HACD3: variants seen among roughly 807,000 people sequenced by gnomAD.
HACD3 encodes 3-hydroxyacyl-CoA dehydratase 3.
A neutral mutation model predicts 55.2 loss-of-function variants in HACD3; 30 were observed. The observed-to-expected ratio is 0.54, with a 90% confidence interval of 0.41 to 0.74. HACD3 has a LOEUF of 0.74. Among genes scored for constraint, HACD3 ranks in the 30% least tolerant of loss-of-function variants. The probability of loss-of-function intolerance (pLI) is 0.00; values close to 1 mark genes in which losing one functional copy is unlikely to be tolerated. For synonymous variants in HACD3, 141 were observed against 151.7 expected (o/e 0.93, Z 0.52); for missense variants, 363 against 440.1 (o/e 0.82, Z 1.57).
At chr15:65,563,892 C>G (rs2072266396) in intron 6 of HACD3, among the ~76,000 whole-genome samples, 1 of 152,052 alleles carries the variant, frequency 6.6e-6, no homozygotes, top group Admixed American at 6.5e-5. Flanking sequence ...ATCACTTGAA[C>G]CCAGGAGGCG....
chr15:65,551,615 T>TTTAA (rs2072133773), intron 1 of HACD3, 61 bp from the exon 2 acceptor site: 1 of 1,592,670 alleles, frequency 6.3e-7, no homozygotes, highest in Non-Finnish European at 8.6e-7. Flanking sequence ...AAGCCCCTTG[T>TTTAA]TTAATCTCAT....
At chr15:65,550,140 C>T (rs576472789) in intron 1 of HACD3, among the ~76,000 whole-genome samples, 1 of 152,328 alleles carries the variant, frequency 6.6e-6, no homozygotes, top group South Asian at 2.1e-4. Flanking sequence ...GTAATCCCAG[C>T]ACTTTGGGAG....
At chr15:65,532,801 T>A (rs1215931982) in intron 1 of HACD3, among the ~76,000 whole-genome samples, 2 of 151,962 alleles carry the variant, frequency 1.3e-5, no homozygotes, top group Admixed American at 1.3e-4. Flanking sequence ...CATAAAAGAG[T>A]GTTTACATGT....
At chr15:65,559,941 G>T (rs1248042309) in intron 5 of HACD3, among the ~76,000 whole-genome samples, 4 of 152,072 alleles carry the variant, frequency 2.6e-5, no homozygotes, top group South Asian at 2.1e-4. Flanking sequence ...GTTCTTTATG[G>T]TGGGGAAGTG....
At chr15:65,542,919 C>A (rs1253156572) in intron 1 of HACD3, among the ~76,000 whole-genome samples, 3 of 151,722 alleles carry the variant, frequency 2.0e-5, no homozygotes, top group African/African-American at 7.3e-5. Flanking sequence ...ACTAAAAATA[C>A]AGAAATTAGC....
rs1273244217 is a variant in HACD3, at chr15:65,543,089, A to AT, written c.88-8587_88-8586insT. 2.4e-3 allele frequency among the ~76,000 whole-genome samples: 359 copies of AT among 151,170 alleles called. 4 individuals carry two copies. The highest frequency in any genetic ancestry group is 8.1e-3 in the African/African-American group (336 of 41,302). ...CTGTCTCTCTAAAAAAAAAAAAAAAAGAAAGAAAAGAAAAAAGCAAATTAA... is the reference window on the plus strand; with the variant it reads ...CTGTCTCTCTAAAAAAAAAAAAAAAATGAAAGAAAAGAAAAAAGCAAATTAA... On this transcript the variant is annotated intron_variant, in intron 1 of 10. Coordinates refer to ENST00000261875, the MANE Select transcript of HACD3 (RefSeq NM_016395.4).
chr15:65,562,589 T>C (rs966932995), intron 5 of HACD3, among the ~76,000 whole-genome samples, 185 bp from the exon 6 acceptor site: 1 of 152,126 alleles, frequency 6.6e-6, no homozygotes, highest in African/African-American at 2.4e-5. Context: ...AGAGCAATGT[T>C]CCTTGTATGT....
intron 6 of HACD3, among the ~76,000 whole-genome samples, chr15:65,563,829 G>A (rs901972674): frequency 1.3e-5 from 2 of 152,148 alleles, no homozygotes; most frequent in African/African-American, 4.8e-5. Context: ...AATTAGCTGG[G>A]CATGGTGGTG....
At position 65,562,774 on chromosome 15, in the gene HACD3, C is replaced by T. The variant is rs1349356506; in HGVS notation, c.422C>T (p.Thr141Ile). The change falls in exon 6 of 11, where the codon ACT (threonine) becomes ATT (isoleucine). Residue 141 changes from threonine (T) to isoleucine (I), a missense_variant and splice_region_variant. By Grantham distance (89) the Thr-to-Ile change is moderately conservative. Coordinates refer to ENST00000261875, the MANE Select transcript of HACD3 (RefSeq NM_016395.4). The part of the protein sequence containing the change: ...LRLESEGSPE[T>I]LTNLRKGYLF... ...CTTACTGCTTTGCTTTGCTTTACAGCTCTTACAAACTTAAGGAAAGGATAC... is the reference window on the plus strand; with the variant it reads ...CTTACTGCTTTGCTTTGCTTTACAGTTCTTACAAACTTAAGGAAAGGATAC... 6.2e-7 allele frequency: 1 copy of T among 1,613,372 alleles called. No homozygotes were observed. The highest frequency in any genetic ancestry group is 1.7e-5 in the Admixed American group (1 of 59,936).
intron 1 of HACD3, among the ~76,000 whole-genome samples, chr15:65,549,532 G>A (rs62013109): frequency 0.013 from 1,882 of 150,320 alleles, 21 homozygotes; most frequent in Middle Eastern, 0.062. Context: ...CCTGGGAGGT[G>A]GAGGTTGCAG....
Position 65,567,825 on chromosome 15 carries a change from A to G in HACD3, c.661-2266A>G, listed in dbSNP as rs2072307151. On this transcript the variant is annotated intron_variant, in intron 7 of 10. Transcript: ENST00000261875. ...TCAAATACTAGATGATTCTGCTTAC[A>G]TGGGGTACTTAAAATAGTCAAAACC... is the stretch of plus-strand genomic sequence containing the variant. Among the ~76,000 whole-genome samples the G allele has an allele frequency of 3.9e-5, 6 of 152,304 alleles. No individual in the cohort carries two copies. The South Asian group carries it at 1.2e-3, about 32-fold the overall frequency.
At chr15:65,566,852 T>C (rs1041783742) in intron 7 of HACD3, 2 of 152,218 alleles carry the variant, frequency 1.3e-5, no homozygotes, top group South Asian at 4.1e-4. Context: ...AATATCCTTA[T>C]GAAATCACAA....
intron 1 of HACD3, 85 bp downstream of exon 1, chr15:65,530,803 C>A: frequency 7.6e-7 from 1 of 1,310,080 alleles, no homozygotes; most frequent in Non-Finnish European, 1.0e-6. Context: ...TGTCCGCGTG[C>A]GCGCCGGAGA....
rs147854256 is a variant in HACD3, at chr15:65,538,168, GA to G, written c.87+7454del. Among the ~76,000 whole-genome samples the G allele has an allele frequency of 7.5e-3, 1,141 of 151,890 alleles. 15 individuals are homozygous for G. The highest frequency in any genetic ancestry group is 0.026 in the African/African-American group (1,088 of 41,398). On this transcript the variant is annotated intron_variant, in intron 1 of 10. Transcript: ENST00000261875. ...AATTTTGACTTTCAGGTCTTATTTA[GA>G]AAATACTTTCCGTAAGGTTAAAACT... is the stretch of plus-strand genomic sequence containing the variant.
chr15:65,539,647 C>T (rs1473751616), intron 1 of HACD3, among the ~76,000 whole-genome samples: 2 of 152,054 alleles, frequency 1.3e-5, no homozygotes, highest in Non-Finnish European at 2.9e-5. Context: ...TTTAGAGAAG[C>T]TCTTACACAT....
chr15:65,539,942 C>CATTATTTATTTGG (rs1372580570), intron 1 of HACD3, among the ~76,000 whole-genome samples: 1 of 152,138 alleles, frequency 6.6e-6, no homozygotes, highest in East Asian at 1.9e-4. Flanking sequence ...TAAATAAATA[C>CATTATTTATTTGG]AGTGGAAACG....
chr15:65,557,462 G>A (rs1245035101), intron 4 of HACD3, among the ~76,000 whole-genome samples: 1 of 149,148 alleles, frequency 6.7e-6, no homozygotes, highest in African/African-American at 2.5e-5. Flanking sequence ...GCAACAGAGC[G>A]AGAGTCTCAA....
At chr15:65,532,857 G>A (rs189519) in intron 1 of HACD3, among the ~76,000 whole-genome samples, 151,326 of 152,222 alleles carry the variant, frequency 0.99, 75,224 homozygotes, top group Middle Eastern at 1. Flanking sequence ...ATTTACAAAG[G>A]TGAGTCAGAC....
chr15:65,571,591 G>A lies in HACD3; in HGVS notation c.817G>A (p.Val273Met), dbSNP rs373527522. The change falls in exon 9 of 11, where the codon GTG becomes ATG. Residue 273 changes from valine to methionine, a missense_variant. Coordinates refer to ENST00000261875, the MANE Select transcript of HACD3 (RefSeq NM_016395.4). ...GACGTGCATTGACATGGATTGGAAGGTGCTCACATGGCTTCGTTACACTCT... is the reference window on the plus strand; with the variant it reads ...GACGTGCATTGACATGGATTGGAAGATGCTCACATGGCTTCGTTACACTCT... The part of the protein sequence containing the change: ...MLTCIDMDWK[V>M]LTWLRYTLWI... The A allele has an allele frequency of 2.2e-5, 36 of 1,613,754 alleles. No individual in the cohort carries two copies. The Middle Eastern group carries it at 1.8e-3, about 81-fold the overall frequency.
Sources: gnomAD v4.1 joint callset for allele counts (sites outside exome capture counted in the v4.1 genomes callset) on GRCh38, gnomAD v4.1.1 for gene constraint, MANE v1.5 for transcripts, NCBI Gene and HGNC (gene_info 2026-07-23, HGNC 2026-07-21) for gene names.